The following SAMD3 variants were observed in gnomAD, a reference collection of about 807,000 sequenced individuals.
SAMD3 encodes sterile alpha motif domain containing 3.
SAMD3 carries 63 observed loss-of-function variants against 58.5 expected under a neutral mutation model. The observed-to-expected ratio is 1.08, with a 90% CI of 0.88 to 1.33. The LOEUF is 1.33. SAMD3 is among the 40% of genes most tolerant of loss of function. The pLI is 0.00. For missense variants in SAMD3, 604 were observed against 608.4 expected (o/e 0.99, Z 0.08); for synonymous variants, 220 against 210.3 (o/e 1.05, Z -0.40).
chr6:130,233,725 G>A (rs980181661), intron 2 of SAMD3, among the ~76,000 whole-genome samples: 2 of 152,046 alleles, frequency 1.3e-5, no homozygotes, highest in African/African-American at 4.8e-5. Context: ...GAAGCTTATG[G>A]GCTGAATTTA....
chr6:130,360,459 C>T (rs1313751519), intron 1 of SAMD3, among the ~76,000 whole-genome samples: 4 of 152,150 alleles, frequency 2.6e-5, no homozygotes, highest in Non-Finnish European at 4.4e-5. Context: ...CCACAAGCCA[C>T]AAAACCAGTA....
chr6:130,181,702 A>G (rs967477577), intron 7 of SAMD3, among the ~76,000 whole-genome samples: 9 of 152,200 alleles, frequency 5.9e-5, no homozygotes, highest in African/African-American at 2.2e-4. Context: ...GAGGGACTCT[A>G]ATAGTATTGG....
intron 9 of SAMD3, among the ~76,000 whole-genome samples, chr6:130,153,346 C>T (rs1191698561): frequency 2.0e-5 from 3 of 152,108 alleles, no homozygotes; most frequent in East Asian, 1.9e-4. Context: ...CCGTGGAAAG[C>T]ACTGAGAACA....
At chr6:130,151,775 C>T (rs870816) in intron 9 of SAMD3, among the ~76,000 whole-genome samples, 41,511 of 151,886 alleles carry the variant, frequency 0.27, 6,153 homozygotes, top group East Asian at 0.45. Context: ...TATTAGCTGG[C>T]GATTCTCACG....
intron 2 of SAMD3, among the ~76,000 whole-genome samples, chr6:130,285,625 C>A (rs1481962254): frequency 6.6e-6 from 1 of 152,220 alleles, no homozygotes; most frequent in Admixed American, 6.5e-5. Context: ...AATCCAGAAA[C>A]TCACTATATC....
In SAMD3 at chr6:130,310,570, C is replaced by G. The variant is rs560615905; in HGVS notation, c.-188+2408G>C. Among the ~76,000 whole-genome samples the G allele has an allele frequency of 4.6e-5, 7 of 152,280 alleles. No individual in the cohort carries two copies. The East Asian group carries it at 1.4e-3, about 29-fold the overall frequency. Reference sequence around the variant, plus strand: ...AGTTTTGGTTCTGAGCTGGGGAACACAATTTCCTTGAATGTTATAGTTTTT... The same window carrying G: ...AGTTTTGGTTCTGAGCTGGGGAACAGAATTTCCTTGAATGTTATAGTTTTT... On this transcript the variant is annotated intron_variant, in intron 2 of 13. Coordinates refer to the SAMD3 transcript ENST00000368134.
At chr6:130,359,163 C>T (rs1195803867) in intron 1 of SAMD3, among the ~76,000 whole-genome samples, 4 of 152,128 alleles carry the variant, frequency 2.6e-5, no homozygotes, top group African/African-American at 9.7e-5. Flanking sequence ...TAGAATAGTG[C>T]CCATTTCATA....
chr6:130,324,744 A>G (rs1454954869), intron 1 of SAMD3, among the ~76,000 whole-genome samples: 2 of 151,012 alleles, frequency 1.3e-5, no homozygotes, highest in East Asian at 3.9e-4. Context: ...GCTGAAAGTA[A>G]AATAACAAAA....
intron 1 of SAMD3, among the ~76,000 whole-genome samples, chr6:130,352,449 T>C (rs1312419733): frequency 6.6e-6 from 1 of 152,096 alleles, no homozygotes; most frequent in Non-Finnish European, 1.5e-5. Context: ...CAATAAAATA[T>C]CACCCCTGCC....
At chr6:130,183,243 C>T (rs1263785749) in intron 7 of SAMD3, 1 of 404,540 alleles carries the variant, frequency 2.5e-6, no homozygotes, top group Non-Finnish European at 4.7e-6. Context: ...ACTGCTGCCC[C>T]AGAGAATTGC....
At chr6:130,261,806 T>C (rs1774150695) in intron 2 of SAMD3, among the ~76,000 whole-genome samples, 1 of 152,130 alleles carries the variant, frequency 6.6e-6, no homozygotes, top group Non-Finnish European at 1.5e-5. Flanking sequence ...AGGTCCCTTG[T>C]TTCAAAGGTA....
At chr6:130,180,435 G>C (rs1445477505) in intron 7 of SAMD3, among the ~76,000 whole-genome samples, 2 of 151,296 alleles carry the variant, frequency 1.3e-5, no homozygotes, top group Non-Finnish European at 2.9e-5. Context: ...ACTCCCAGCT[G>C]TTCTTATATA....
rs778310871 is a variant in SAMD3, at chr6:130,214,460, T to C, written c.146A>G (p.Lys49Arg). The C allele has an allele frequency of 6.2e-7, 1 of 1,613,402 alleles. No homozygotes were observed. Among genetic ancestry groups the C allele is most frequent in the Non-Finnish European group, 8.5e-7 (1 of 1,179,652 alleles). Reference sequence around the variant, plus strand: ...CATCAGAACAGCCTGGTGCCCAATTTTCTTTACCAGTTGCTGAACCATCCG... The same window carrying C: ...CATCAGAACAGCCTGGTGCCCAATTCTCTTTACCAGTTGCTGAACCATCCG... ...NDRMVQQLVK[K>R]IGHQAVLMDL... Residue 49 changes from lysine to arginine, a missense_variant, in exon 4 of 12, where the codon AAA (lysine) becomes AGA (arginine). Physicochemically the swap from Lys to Arg is conservative, Grantham distance 26. Transcript: ENST00000439090.
At chr6:130,144,047 A>AT, downstream of SAMD3, 1 of 154,844 alleles carries the variant, frequency 6.5e-6, no homozygotes, top group East Asian at 1.9e-4. Context: ...GGCAAGGCAG[A>AT]TCCCCTGAGG....
intron 5 of SAMD3, among the ~76,000 whole-genome samples, chr6:130,201,892 T>C (rs1414954110): frequency 2.0e-5 from 3 of 152,240 alleles, no homozygotes; most frequent in Non-Finnish European, 4.4e-5. Context: ...TCTCCCTCTC[T>C]CTGTGTTACT....
intron 2 of SAMD3, among the ~76,000 whole-genome samples, chr6:130,291,266 A>G (rs533435384): frequency 3.9e-5 from 6 of 152,026 alleles, no homozygotes; most frequent in African/African-American, 1.4e-4. Flanking sequence ...TTTTATTTAT[A>G]TTTTGTTTTT....
intron 5 of SAMD3, among the ~76,000 whole-genome samples, chr6:130,207,050 A>T (rs768866497): frequency 9.2e-5 from 14 of 151,656 alleles, no homozygotes; most frequent in Non-Finnish European, 1.6e-4. Context: ...TCCAAAGGCT[A>T]AGGCGGGAGG....
At chr6:130,267,959 C>T (rs1774421435) in intron 2 of SAMD3, among the ~76,000 whole-genome samples, 1 of 152,168 alleles carries the variant, frequency 6.6e-6, no homozygotes, top group South Asian at 2.1e-4. Context: ...GTCTGTGGCT[C>T]ATCCTGCTAC....
At chr6:130,343,916 G>A (rs1777355438) in intron 1 of SAMD3, among the ~76,000 whole-genome samples, 1 of 151,974 alleles carries the variant, frequency 6.6e-6, no homozygotes, top group Non-Finnish European at 1.5e-5. Flanking sequence ...AGTGAACCGA[G>A]GTCGCACCAC....
Sources: gnomAD v4.1 joint callset for allele counts (sites outside exome capture counted in the v4.1 genomes callset) on GRCh38, gnomAD v4.1.1 for gene constraint, MANE v1.5 for transcripts, NCBI Gene and HGNC (gene_info 2026-07-23, HGNC 2026-07-21) for gene names.